Variants in LRRC69 observed in about 807,000 individuals in gnomAD.
LRRC69 encodes the protein leucine-rich repeat-containing protein 69.
A neutral mutation model predicts 37.8 loss-of-function variants in LRRC69; 42 were observed. The observed-to-expected ratio is 1.11, with a 90% CI of 0.87 to 1.44. LRRC69 has a LOEUF of 1.44. Ranked by LOEUF, LRRC69 falls within the 40% of genes most tolerant of loss-of-function variation. The pLI, the probability that LRRC69 is intolerant of heterozygous loss-of-function variation, is 0.00. For synonymous variants in LRRC69, 141 were observed against 143.1 expected (o/e 0.99, Z 0.11); for missense variants, 357 against 401.9 (o/e 0.89, Z 0.96).
chr8:91,190,404 A>C (rs1367770413), intron 6 of LRRC69, among the ~76,000 whole-genome samples: 1 of 152,076 alleles, frequency 6.6e-6, no homozygotes, highest in East Asian at 1.9e-4. Flanking sequence ...CAAAAGTAAT[A>C]CAAGCTCCCG....
At chr8:91,195,855 A>G (rs1003103712) in intron 6 of LRRC69, among the ~76,000 whole-genome samples, 42 of 151,586 alleles carry the variant, frequency 2.8e-4, no homozygotes, top group African/African-American at 9.4e-4. Context: ...TTTAAAGTTA[A>G]TATTGTTATG....
chr8:91,216,855 T>C (rs1251088399), intron 7 of LRRC69, among the ~76,000 whole-genome samples: 1 of 152,136 alleles, frequency 6.6e-6, no homozygotes, highest in Admixed American at 6.6e-5. Flanking sequence ...CATTTTATGG[T>C]CTATTTATAG....
chr8:91,217,164 G>A (rs1205032450), intron 7 of LRRC69, among the ~76,000 whole-genome samples: 1 of 152,080 alleles, frequency 6.6e-6, no homozygotes, highest in Non-Finnish European at 1.5e-5. Flanking sequence ...TAGAGGCAGG[G>A]ATTGTTTGCT....
At chr8:91,156,291 T>C (rs1213118003) in intron 5 of LRRC69, among the ~76,000 whole-genome samples, 1 of 151,104 alleles carries the variant, frequency 6.6e-6, no homozygotes, top group Non-Finnish European at 1.5e-5. Flanking sequence ...TGTCTTACTG[T>C]GGTTTAGATT....
rs540139567 is a variant in LRRC69, at chr8:91,148,164, G to A, written c.651+12425G>A. The stretch of plus-strand genomic sequence containing the variant: ...AGTTACATATGTATACATGTGCCAT[G>A]TTGGTGTGCTGCACCCATTAACTTG... On this transcript the variant is annotated intron_variant, in intron 5 of 7. Coordinates refer to ENST00000448384, the Ensembl canonical transcript of LRRC69. Among the ~76,000 whole-genome samples the A allele has an allele frequency of 6.1e-3, 922 of 151,766 alleles. 6 individuals are homozygous for A. Among genetic ancestry groups the A allele is most frequent in the Non-Finnish European group, 0.011 (756 of 67,936 alleles).
chr8:91,124,594 C>A, exon 2 of LRRC69: 2 of 1,540,488 alleles, frequency 1.3e-6, no homozygotes, highest in Non-Finnish European at 1.7e-6. Flanking sequence ...GAAATAGGAT[C>A]TGTAGATTTG....
intron 5 of LRRC69, among the ~76,000 whole-genome samples, chr8:91,176,334 A>T (rs1809229516): frequency 6.6e-6 from 1 of 151,448 alleles, no homozygotes; most frequent in South Asian, 2.1e-4. Flanking sequence ...TTTAGTAGAG[A>T]TGGGGTTTCA....
At chr8:91,109,971 G>A (rs1308759749) in intron 1 of LRRC69, among the ~76,000 whole-genome samples, 1 of 151,966 alleles carries the variant, frequency 6.6e-6, no homozygotes, top group Non-Finnish European at 1.5e-5. Context: ...TTAAAAAAAG[G>A]CATTGATAAG....
intron 5 of LRRC69, among the ~76,000 whole-genome samples, chr8:91,183,182 A>G (rs1809351827): frequency 6.6e-6 from 1 of 152,214 alleles, no homozygotes. Flanking sequence ...TTTAAGGACA[A>G]TGGAAATCTC....
At chr8:91,104,788 G>C (rs867084627) in intron 1 of LRRC69, among the ~76,000 whole-genome samples, 9 of 151,972 alleles carry the variant, frequency 5.9e-5, no homozygotes, top group African/African-American at 2.2e-4. Flanking sequence ...AATCATCCTA[G>C]TCTGGGTATG....
At chr8:91,160,302 T>C (rs556658045) in intron 5 of LRRC69, among the ~76,000 whole-genome samples, 1 of 149,146 alleles carries the variant, frequency 6.7e-6, no homozygotes, top group East Asian at 2.0e-4. Context: ...AGTTTTTTGT[T>C]TTTTTTTTTA....
chr8:91,158,487 T>A, intron 5 of LRRC69: 1 of 1,152,942 alleles, frequency 8.7e-7, no homozygotes, highest in Non-Finnish European at 1.3e-6. Flanking sequence ...CCACAAGGCC[T>A]CACAATGCAC....
intron 5 of LRRC69, among the ~76,000 whole-genome samples, chr8:91,181,285 A>G (rs1331800385): frequency 6.6e-6 from 1 of 152,178 alleles, no homozygotes; most frequent in Non-Finnish European, 1.5e-5. Context: ...CTGAAGAGTC[A>G]TTGCTGGGCA....
chr8:91,119,569 CTTTTCCTAGGTCATCT>C (rs1202705659), intron 1 of LRRC69, among the ~76,000 whole-genome samples: 1 of 152,050 alleles, frequency 6.6e-6, no homozygotes, highest in African/African-American at 2.4e-5. Flanking sequence ...GATAAAATGT[CTTTTCCTAGGTCATCT>C]ATCCATTTTA....
intron 6 of LRRC69, among the ~76,000 whole-genome samples, chr8:91,196,665 G>A (rs1309392173): frequency 1.3e-4 from 19 of 151,750 alleles, no homozygotes; most frequent in Admixed American, 1.2e-3. Flanking sequence ...CATTCTTCCC[G>A]TAGTTCTCGA....
At chr8:91,173,145 A>T (rs534236265) in intron 5 of LRRC69, among the ~76,000 whole-genome samples, 13 of 151,752 alleles carry the variant, frequency 8.6e-5, no homozygotes, top group Non-Finnish European at 1.9e-4. Context: ...AGGGTGAGGG[A>T]TAGGAGGAAT....
intron 5 of LRRC69, among the ~76,000 whole-genome samples, chr8:91,175,349 G>A (rs1809205254): frequency 6.6e-6 from 1 of 152,090 alleles, no homozygotes; most frequent in Admixed American, 6.6e-5. Context: ...TGTTCCAAAT[G>A]CTTCTTCTGC....
intron 5 of LRRC69, among the ~76,000 whole-genome samples, chr8:91,180,641 T>C (rs1809308416): frequency 6.6e-6 from 1 of 151,312 alleles, no homozygotes; most frequent in Non-Finnish European, 1.5e-5. Flanking sequence ...CAAAATGTAC[T>C]CTATCATTAT....
intron 6 of LRRC69, among the ~76,000 whole-genome samples, chr8:91,193,353 A>C (rs1288160223): frequency 1.4e-5 from 2 of 142,340 alleles, no homozygotes; most frequent in Admixed American, 1.4e-4. Context: ...TTCCATATGA[A>C]CTTTAAAGTA....
Sources: allele counts gnomAD v4.1 joint callset (sites outside exome capture counted in the v4.1 genomes callset), GRCh38; gene constraint gnomAD v4.1.1; transcripts MANE v1.5; gene names NCBI Gene and HGNC (gene_info 2026-07-23, HGNC 2026-07-21).